The following MAGI1 variants were observed in gnomAD, a reference collection of about 807,000 sequenced individuals.
The protein encoded by MAGI1 is membrane associated guanylate kinase, WW and PDZ domain containing 1, also known as membrane-associated guanylate kinase, WW and PDZ domain-containing protein 1.
A neutral mutation model predicts 139.9 loss-of-function variants in MAGI1; 58 were observed. That is an observed-to-expected ratio of 0.41 (90% confidence interval 0.34 to 0.52). The LOEUF (loss-of-function observed/expected upper bound fraction) is 0.52, where lower values mean the gene tolerates loss of function less well. Ranked by LOEUF, MAGI1 falls within the 20% of genes least tolerant of loss-of-function variation. The pLI is 0.12. For missense variants in MAGI1, 1,874 were observed against 1,901.6 expected, an observed-to-expected ratio of 0.99 and a Z score of 0.27; for synonymous variants, 812 against 737.9, an observed-to-expected ratio of 1.10 and a Z score of -1.63.
intron 2 of MAGI1, among the ~76,000 whole-genome samples, chr3:65,568,184 G>T (rs1293568577): frequency 6.6e-6 from 1 of 152,174 alleles, no homozygotes; most frequent in African/African-American, 2.4e-5. Context: ...TCTGGGTAAG[G>T]AGCAGGCAAG....
chr3:65,957,850 C>A (rs1478436511), intron 1 of MAGI1, among the ~76,000 whole-genome samples: 2 of 152,066 alleles, frequency 1.3e-5, no homozygotes, highest in Non-Finnish European at 2.9e-5. Flanking sequence ...CTCATTGCAA[C>A]CTCTGCCTCC....
At chr3:65,869,204 C>T (rs1478335323) in intron 1 of MAGI1, among the ~76,000 whole-genome samples, 10 of 145,098 alleles carry the variant, frequency 6.9e-5, no homozygotes, top group African/African-American at 2.6e-4. Flanking sequence ...TGCAGTGAGC[C>T]GAGATCGCGC....
intron 1 of MAGI1, among the ~76,000 whole-genome samples, chr3:65,894,569 T>C (rs895744527): frequency 6.6e-6 from 1 of 152,260 alleles, no homozygotes; most frequent in East Asian, 1.9e-4. Flanking sequence ...TAGCATTTTC[T>C]TTGTTGTTGT....
chr3:65,582,217 G>A (rs1459881893), intron 2 of MAGI1, among the ~76,000 whole-genome samples: 1 of 152,174 alleles, frequency 6.6e-6, no homozygotes, highest in Non-Finnish European at 1.5e-5. Context: ...CCCTAGAACA[G>A]TACATGGCAT....
At chr3:65,373,155 T>C (rs1037967296) in intron 18 of MAGI1, among the ~76,000 whole-genome samples, 1 of 152,186 alleles carries the variant, frequency 6.6e-6, no homozygotes, top group African/African-American at 2.4e-5. Flanking sequence ...TTCTAGCTTT[T>C]GATTTAAAGT....
At chr3:66,003,642 T>C (rs575874005) in intron 1 of MAGI1, among the ~76,000 whole-genome samples, 1 of 152,204 alleles carries the variant, frequency 6.6e-6, no homozygotes, top group East Asian at 1.9e-4. Context: ...ATTTTTAGTA[T>C]TCTGTATTTC....
At chr3:65,542,310 G>A (rs2079271455) in intron 2 of MAGI1, among the ~76,000 whole-genome samples, 1 of 152,180 alleles carries the variant, frequency 6.6e-6, no homozygotes, top group South Asian at 2.1e-4. Flanking sequence ...CTCATGGATA[G>A]GAAGAGTCAA....
chr3:65,361,474 G>T, intron 21 of MAGI1, 137 bp from the exon 22 acceptor site: 1 of 744,460 alleles, frequency 1.3e-6, no homozygotes, highest in Non-Finnish European at 2.2e-6. Flanking sequence ...CTGCCCTCAT[G>T]GAGATTATAT....
intron 1 of MAGI1, among the ~76,000 whole-genome samples, chr3:65,947,266 C>T (rs2063584390): frequency 6.6e-6 from 1 of 151,978 alleles, no homozygotes; most frequent in Admixed American, 6.6e-5. Flanking sequence ...ATAATAGGCC[C>T]CTATCATTTT....
intron 2 of MAGI1, among the ~76,000 whole-genome samples, chr3:65,620,404 C>A (rs2083601476): frequency 2.0e-5 from 3 of 152,244 alleles, no homozygotes; most frequent in Admixed American, 2.0e-4. Context: ...AGACCCCCAA[C>A]TTCAAAGGGT....
At chr3:65,657,097 A>G (rs1258861331) in intron 1 of MAGI1, among the ~76,000 whole-genome samples, 1 of 152,126 alleles carries the variant, frequency 6.6e-6, no homozygotes, top group Non-Finnish European at 1.5e-5. Flanking sequence ...GTATTGGGCT[A>G]AAAACTTTAC....
intron 1 of MAGI1, among the ~76,000 whole-genome samples, chr3:65,731,303 A>T (rs2034164124): frequency 6.6e-6 from 1 of 152,142 alleles, no homozygotes; most frequent in African/African-American, 2.4e-5. Flanking sequence ...ACACCATCAC[A>T]CAGTCCACCT....
intron 1 of MAGI1, among the ~76,000 whole-genome samples, chr3:65,959,167 G>T (rs2064284758): frequency 6.6e-6 from 1 of 152,156 alleles, no homozygotes; most frequent in African/African-American, 2.4e-5. Flanking sequence ...AGCTTTGTTT[G>T]ACAGCCCCTT....
chr3:65,559,734 C>A (rs1404854450), intron 2 of MAGI1, among the ~76,000 whole-genome samples: 1 of 152,196 alleles, frequency 6.6e-6, no homozygotes, highest in Non-Finnish European at 1.5e-5. Flanking sequence ...GGGTGACAAA[C>A]CAGGATTTAA....
chr3:65,619,986 G>T, intron 2 of MAGI1: 4 of 985,330 alleles, frequency 4.1e-6, no homozygotes, highest in South Asian at 9.4e-5. Flanking sequence ...GTTTTTAAAA[G>T]ACAGAGTTCG....
chr3:65,904,970 T>C (rs1465454481), intron 1 of MAGI1, among the ~76,000 whole-genome samples: 3 of 152,178 alleles, frequency 2.0e-5, no homozygotes, highest in African/African-American at 7.2e-5. Flanking sequence ...TTCTCTGCAA[T>C]GGAAATCAAT....
intron 1 of MAGI1, among the ~76,000 whole-genome samples, chr3:65,666,173 C>T (rs1405391320): frequency 3.9e-5 from 6 of 152,188 alleles, no homozygotes; most frequent in Non-Finnish European, 8.8e-5. Context: ...CATCAACTCC[C>T]TGTTACTCTC....
At chr3:65,831,503 CA>C (rs1398363437) in intron 1 of MAGI1, among the ~76,000 whole-genome samples, 2 of 152,076 alleles carry the variant, frequency 1.3e-5, no homozygotes, top group African/African-American at 4.8e-5. Context: ...TGAACTTAAC[CA>C]CTCTTCCAAA....
intron 12 of MAGI1, among the ~76,000 whole-genome samples, chr3:65,407,446 CAAAA>C (rs200345922): frequency 1.0e-5 from 1 of 97,992 alleles, no homozygotes. Context: ...GACTCCGTCT[CAAAA>C]AAAAAAAAAA....
Sources: gnomAD v4.1 joint callset for allele counts (sites outside exome capture counted in the v4.1 genomes callset) on GRCh38, gnomAD v4.1.1 for gene constraint, MANE v1.5 for transcripts, NCBI Gene and HGNC (gene_info 2026-07-23, HGNC 2026-07-21) for gene names.